DNAH3: variants seen among roughly 807,000 people sequenced by gnomAD.
The protein encoded by DNAH3 is axonemal beta dynein heavy chain 3.
In DNAH3, 332 loss-of-function variants were observed where a neutral mutation model predicts 432.5. The ratio of observed to expected loss-of-function variants is 0.77; its 90% CI spans 0.70 to 0.84. DNAH3 has a LOEUF of 0.84. DNAH3 is among the 40% of genes least tolerant of loss of function. The pLI is 0.00. For synonymous variants in DNAH3, 1,956 were observed against 1,900.2 expected, an observed-to-expected ratio of 1.03 and a Z score of -0.76; for missense variants, 4,861 against 5,114.0, an observed-to-expected ratio of 0.95 and a Z score of 1.51.
At chr16:21,144,598 G>A (rs2092758668) in intron 3 of DNAH3, among the ~76,000 whole-genome samples, 1 of 152,162 alleles carries the variant, frequency 6.6e-6, no homozygotes, top group African/African-American at 2.4e-5. Flanking sequence ...CACTGAAATT[G>A]TAAGATAACA....
At chr16:21,038,894 G>GC (rs1207717962) in intron 33 of DNAH3, among the ~76,000 whole-genome samples, 4 of 152,122 alleles carry the variant, frequency 2.6e-5, no homozygotes, top group African/African-American at 9.7e-5. Context: ...AATTTCTGTA[G>GC]CCCCTTGGAT....
At chr16:21,143,479 C>T (rs1365194267) in intron 3 of DNAH3, among the ~76,000 whole-genome samples, 2 of 152,136 alleles carry the variant, frequency 1.3e-5, no homozygotes, top group Admixed American at 6.5e-5. Flanking sequence ...ACCTTGATCT[C>T]GGACTTTACA....
intron 20 of DNAH3, among the ~76,000 whole-genome samples, chr16:21,077,252 T>C (rs1452861427): frequency 6.6e-6 from 1 of 152,082 alleles, no homozygotes; most frequent in Non-Finnish European, 1.5e-5. Flanking sequence ...AACCTCTGCC[T>C]CCCGGATTCA....
intron 12 of DNAH3, among the ~76,000 whole-genome samples, chr16:21,114,183 C>T (rs938308434): frequency 6.6e-6 from 1 of 152,166 alleles, no homozygotes; most frequent in Non-Finnish European, 1.5e-5. Context: ...GTAGCTGTAA[C>T]TGCAGAAAGC....
chr16:21,023,613 A>G (rs547470288), intron 39 of DNAH3, among the ~76,000 whole-genome samples: 25 of 152,256 alleles, frequency 1.6e-4, no homozygotes, highest in Non-Finnish European at 2.8e-4. Context: ...ACAAGACAGG[A>G]CTGCTGGAGA....
chr16:21,139,871 C>T (rs2092696706), intron 5 of DNAH3, among the ~76,000 whole-genome samples: 1 of 150,222 alleles, frequency 6.7e-6, no homozygotes, highest in East Asian at 2.0e-4. Flanking sequence ...CCTCCACCTC[C>T]CAGGTTCAAG....
rs1184182040 is a variant in DNAH3 at position 21,055,410 on chromosome 16, ATAGAG to A, written c.3925-881_3925-877del. Among the ~76,000 whole-genome samples the A allele has an allele frequency of 1.9e-4, 29 of 152,314 alleles. No homozygotes were observed. The East Asian group carries it at 2.3e-3, about 12-fold the overall frequency. On this transcript the variant is annotated intron_variant, in intron 27 of 61. Transcript: ENST00000261383. ...TAAATTAGCCAATTTAGAAAGGTCT[ATAGAG>A]TAGAGAATAAAATCGTATCAGTGTT...
At chr16:21,145,304 A>C in exon 3 of DNAH3, 2 of 1,614,158 alleles carry the variant, frequency 1.2e-6, no homozygotes. Flanking sequence ...TTGGCGATGG[A>C]ATCACTGGGT....
At chr16:20,964,978 T>C (rs113739796) in exon 53 of DNAH3, 7 of 1,614,032 alleles carry the variant, frequency 4.3e-6, no homozygotes, top group Non-Finnish European at 5.9e-6. Context: ...ACTGATCAGT[T>C]TCTCTGCCCT....
intron 56 of DNAH3, 26 bp from the exon 57 acceptor site, chr16:20,948,663 G>A: frequency 6.2e-7 from 1 of 1,613,432 alleles, no homozygotes. Context: ...AGAAGGAGAG[G>A]TTGAGCCCAG....
chr16:21,149,227 A>C (rs2092823426), intron 1 of DNAH3, among the ~76,000 whole-genome samples: 1 of 46,484 alleles, frequency 2.2e-5, no homozygotes, highest in Admixed American at 2.4e-4. Flanking sequence ...AAACTGTCTC[A>C]AAAAAAAAAA....
rs1271407573 is a variant in DNAH3, at chr16:20,980,322, A to G, written c.7860-776T>C. On this transcript the variant is annotated intron_variant, in intron 49 of 61. Transcript: ENST00000261383. Reference sequence around the variant, plus strand: ...CATATATTATATTATATATTATAATATATACTATATTATATTTTATTATAT... The same window carrying G: ...CATATATTATATTATATATTATAATGTATACTATATTATATTTTATTATAT... 7.9e-5 allele frequency among the ~76,000 whole-genome samples: 8 copies of G among 101,772 alleles called. No individual in the cohort carries two copies. The East Asian group carries it at 1.9e-3, about 24-fold the overall frequency. The allele number at this position is 101,772 out of a possible 152,430, so 66.8% of individuals were successfully genotyped here.
intron 14 of DNAH3, among the ~76,000 whole-genome samples, chr16:21,107,913 T>C (rs1244640003): frequency 6.6e-6 from 1 of 151,810 alleles, no homozygotes; most frequent in Non-Finnish European, 1.5e-5. Context: ...CCCAGGCTGG[T>C]GCACAGTGGT....
At position 21,069,167 on chromosome 16, in the gene DNAH3, A is replaced by G. The variant is rs182402883; in HGVS notation, c.3381+248T>C. Reference sequence around the variant, plus strand: ...ACCATGTTGGCCAGGCTGGTCTGGAACTCTTGACCTCAAGTGATACCCCCG... The same window carrying G: ...ACCATGTTGGCCAGGCTGGTCTGGAGCTCTTGACCTCAAGTGATACCCCCG... On this transcript the variant is annotated intron_variant, in intron 23 of 61. Coordinates refer to ENST00000261383, the Ensembl canonical transcript of DNAH3. 6.2e-3 allele frequency among the ~76,000 whole-genome samples: 946 copies of G among 151,868 alleles called. 3 individuals carry two copies. Among genetic ancestry groups the G allele is most frequent in the Middle Eastern group, 0.027 (8 of 294 alleles).
intron 1 of DNAH3, among the ~76,000 whole-genome samples, chr16:21,153,636 G>A (rs370208532): frequency 3.3e-5 from 5 of 152,106 alleles, no homozygotes; most frequent in Admixed American, 6.6e-5. Context: ...TAACACTCAC[G>A]GTGAAGGTCT....
intron 53 of DNAH3, among the ~76,000 whole-genome samples, chr16:20,961,519 AT>A (rs1460360238): frequency 1.5e-5 from 2 of 129,518 alleles, no homozygotes; most frequent in Non-Finnish European, 3.5e-5. Flanking sequence ...GAATAAAAAA[AT>A]AAAATAAAAT....
chr16:20,988,033 T>C (rs1343099564), exon 45 of DNAH3: 3 of 1,614,154 alleles, frequency 1.9e-6, no homozygotes, highest in Non-Finnish European at 2.5e-6. Flanking sequence ...AAGGCATTGA[T>C]GGAAATGATA....
intron 33 of DNAH3, among the ~76,000 whole-genome samples, chr16:21,039,648 G>C (rs1345285731): frequency 6.6e-6 from 1 of 152,106 alleles, no homozygotes; most frequent in African/African-American, 2.4e-5. Flanking sequence ...GCAGGGTTCC[G>C]CCCTGGGAAT....
intron 41 of DNAH3, among the ~76,000 whole-genome samples, chr16:21,005,550 T>G (rs1043742853): frequency 2.6e-5 from 4 of 151,960 alleles, no homozygotes; most frequent in Admixed American, 6.6e-5. Context: ...AGCAAATAAT[T>G]TTATTTTTTG....
Sources: gnomAD v4.1 joint callset for allele counts (sites outside exome capture counted in the v4.1 genomes callset) on GRCh38, gnomAD v4.1.1 for gene constraint, MANE v1.5 for transcripts, NCBI Gene and HGNC (gene_info 2026-07-23, HGNC 2026-07-21) for gene names.